ROBO1: variants seen among roughly 807,000 people sequenced by gnomAD.
ROBO1 encodes the protein roundabout guidance receptor 1.
A neutral mutation model predicts 195.9 loss-of-function variants in ROBO1; 149 were observed. That is an observed-to-expected ratio of 0.76 (90% confidence interval 0.67 to 0.87). The LOEUF (loss-of-function observed/expected upper bound fraction) is 0.87, where lower values mean the gene tolerates loss of function less well. ROBO1 is among the 40% of genes least tolerant of loss of function. ROBO1 has a pLI of 0.00. For missense variants in ROBO1, 1,933 were observed against 2,068.3 expected, an observed-to-expected ratio of 0.93 and a Z score of 1.27; for synonymous variants, 816 against 733.2, an observed-to-expected ratio of 1.11 and a Z score of -1.82.
chr3:79,655,348 G>T (rs1486021357), intron 1 of ROBO1, among the ~76,000 whole-genome samples: 1 of 151,942 alleles, frequency 6.6e-6, no homozygotes, highest in East Asian at 1.9e-4. Context: ...CCACTGTTAA[G>T]CACAATACTG....
intron 3 of ROBO1, among the ~76,000 whole-genome samples, chr3:78,940,486 C>G (rs544214654): frequency 6.6e-6 from 1 of 152,306 alleles, no homozygotes; most frequent in East Asian, 1.9e-4. Flanking sequence ...TAGACACTTC[C>G]TGTTCCATGC....
Position 78,671,471 on chromosome 3 carries a change from A to G in ROBO1, c.1343-1170T>C, listed in dbSNP as rs148795831. ...AGAGTAACTAAATTTTGGAAGCAAT[A>G]ATTTTCAAAGCTGGATCTGTCATGT... On this transcript the variant is annotated intron_variant, in intron 10 of 30. Coordinates refer to ENST00000464233, the MANE Select transcript of ROBO1 (RefSeq NM_002941.4). Among the ~76,000 whole-genome samples the G allele has an allele frequency of 6.0e-4, 91 of 152,210 alleles. No homozygotes were observed. In the East Asian group the frequency reaches 0.011, roughly 19 times the overall value.
chr3:78,866,001 T>C (rs1243425857), intron 4 of ROBO1, among the ~76,000 whole-genome samples: 4 of 152,190 alleles, frequency 2.6e-5, no homozygotes, highest in Non-Finnish European at 5.9e-5. Flanking sequence ...AATATCTATA[T>C]GTAACAGATG....
intron 5 of ROBO1, among the ~76,000 whole-genome samples, chr3:78,721,596 G>A (rs2082045987): frequency 1.3e-5 from 2 of 152,074 alleles, no homozygotes; most frequent in Admixed American, 6.6e-5. Flanking sequence ...CATTCTCTTT[G>A]TTTTAAGAGT....
chr3:78,807,197 A>T (rs1044131044), intron 4 of ROBO1, among the ~76,000 whole-genome samples: 3 of 152,236 alleles, frequency 2.0e-5, no homozygotes, highest in Non-Finnish European at 2.9e-5. Flanking sequence ...AAGGAGTGGT[A>T]GGATCAAGAA....
Position 78,926,521 on chromosome 3 carries a change from T to A in ROBO1, c.499+12080A>T, listed in dbSNP as rs1363610435. On this transcript the variant is annotated intron_variant, in intron 4 of 30. Coordinates refer to ENST00000464233, the MANE Select transcript of ROBO1 (RefSeq NM_002941.4). ...TTTCTGGTCTGGAGGGTTGGATGGA[T>A]AATGGCATCATTATCATCGTTAGGA... Among the ~76,000 whole-genome samples, 4 of 152,256 alleles carry A rather than the reference T, an allele frequency of 2.6e-5. No homozygotes were observed. The East Asian group carries it at 7.7e-4, about 29-fold the overall frequency.
chr3:79,673,121 GAAAT>G (rs1359423360), intron 1 of ROBO1, among the ~76,000 whole-genome samples: 4 of 151,858 alleles, frequency 2.6e-5, no homozygotes, highest in African/African-American at 7.3e-5. Context: ...TTTACATAAA[GAAAT>G]AAAGGATAGA....
At position 79,659,799 on chromosome 3, in the gene ROBO1, G is replaced by A. The variant is rs568511162; in HGVS notation, c.-50-69838C>T. 4.6e-5 allele frequency among the ~76,000 whole-genome samples: 7 copies of A among 152,144 alleles called. No individual in the cohort carries two copies. The South Asian group carries it at 1.2e-3, about 27-fold the overall frequency. On this transcript the variant is annotated intron_variant, in intron 1 of 30. Transcript: ENST00000464233. ...AGCCCCCTCTAACAATGGCCACCCT[G>A]GTTCTGGCACAATGGATCATGATCA...
At chr3:79,756,986 C>T (rs1171675401) in intron 1 of ROBO1, among the ~76,000 whole-genome samples, 1 of 152,114 alleles carries the variant, frequency 6.6e-6, no homozygotes, top group Non-Finnish European at 1.5e-5. Flanking sequence ...TAGTGTGTAT[C>T]AGAATTTCAT....
At chr3:78,903,312 TA>T (rs1271758197) in intron 4 of ROBO1, among the ~76,000 whole-genome samples, 1 of 152,066 alleles carries the variant, frequency 6.6e-6, no homozygotes, top group Admixed American at 6.6e-5. Context: ...ATTAAACAAT[TA>T]AATACTTTTT....
intron 2 of ROBO1, among the ~76,000 whole-genome samples, chr3:79,500,280 C>A (rs1939998766): frequency 6.6e-6 from 1 of 152,028 alleles, no homozygotes; most frequent in Non-Finnish European, 1.5e-5. Flanking sequence ...CAGGCATGCG[C>A]CACCACGCCA....
At chr3:79,063,891 G>T (rs1049556380) in intron 3 of ROBO1, among the ~76,000 whole-genome samples, 2 of 151,906 alleles carry the variant, frequency 1.3e-5, no homozygotes, top group Admixed American at 6.6e-5. Flanking sequence ...TGAAGAAGTT[G>T]ACCTCAGAGA....
At chr3:78,807,319 A>G (rs1307308412) in intron 4 of ROBO1, among the ~76,000 whole-genome samples, 1 of 152,130 alleles carries the variant, frequency 6.6e-6, no homozygotes, top group South Asian at 2.1e-4. Flanking sequence ...GTCAAGAAAC[A>G]TTTTCCCTAT....
At chr3:78,720,950 T>G (rs11923747) in intron 5 of ROBO1, among the ~76,000 whole-genome samples, 41,530 of 126,898 alleles carry the variant, frequency 0.33, 6,312 homozygotes, top group African/African-American at 0.41. Context: ...GTTGTGGGGT[T>G]GGGGGGGGGG....
chr3:79,183,959 C>T (rs2081391640), intron 2 of ROBO1, among the ~76,000 whole-genome samples: 1 of 152,130 alleles, frequency 6.6e-6, no homozygotes, highest in Non-Finnish European at 1.5e-5. Context: ...TCAATGCAAA[C>T]TTGTTATTCA....
At chr3:78,801,458 T>C (rs2084368727) in intron 4 of ROBO1, among the ~76,000 whole-genome samples, 1 of 152,132 alleles carries the variant, frequency 6.6e-6, no homozygotes, top group African/African-American at 2.4e-5. Context: ...ATTCCAATAT[T>C]ATCTTCTCTA....
At chr3:79,294,359 T>C (rs993816477) in intron 2 of ROBO1, among the ~76,000 whole-genome samples, 7 of 152,216 alleles carry the variant, frequency 4.6e-5, no homozygotes, top group Non-Finnish European at 8.8e-5. Flanking sequence ...AAAGATTCCC[T>C]GTTTAATAAA....
At chr3:79,229,801 C>A (rs952318222) in intron 2 of ROBO1, among the ~76,000 whole-genome samples, 1 of 151,918 alleles carries the variant, frequency 6.6e-6, no homozygotes, top group Non-Finnish European at 1.5e-5. Flanking sequence ...CTTTTATTCC[C>A]GATAAATCTT....
intron 1 of ROBO1, among the ~76,000 whole-genome samples, chr3:79,648,510 C>T (rs1023054396): frequency 3.9e-5 from 6 of 151,916 alleles, no homozygotes; most frequent in East Asian, 1.9e-4. Flanking sequence ...TCAAACCACA[C>T]GCATTTCAGG....
Sources: gnomAD v4.1 joint callset for allele counts (sites outside exome capture counted in the v4.1 genomes callset) on GRCh38, gnomAD v4.1.1 for gene constraint, MANE v1.5 for transcripts, NCBI Gene and HGNC (gene_info 2026-07-23, HGNC 2026-07-21) for gene names.